The following CDH11 variants were observed in gnomAD, a reference collection of about 807,000 sequenced individuals.
The protein encoded by CDH11 is cadherin-11.
CDH11 carries 11 observed loss-of-function variants against 67.8 expected under a neutral mutation model. That is an observed-to-expected ratio of 0.16 (90% confidence interval 0.10 to 0.27). The LOEUF is 0.27. Among genes scored for constraint, CDH11 ranks in the 10% least tolerant of loss-of-function variants. The probability of loss-of-function intolerance (pLI) is 1.00; values close to 1 mark genes in which losing one functional copy is unlikely to be tolerated. For synonymous variants in CDH11, 419 were observed against 400.0 expected (o/e 1.05, Z -0.57); for missense variants, 847 against 1,031.2 (o/e 0.82, Z 2.45).
chr16:65,004,239 G>A (rs184774785), intron 3 of CDH11, among the ~76,000 whole-genome samples: 1 of 152,212 alleles, frequency 6.6e-6, no homozygotes, highest in Non-Finnish European at 1.5e-5. Context: ...CAGGCATGGT[G>A]GCATGAACCT....
intron 1 of CDH11, among the ~76,000 whole-genome samples, chr16:65,066,220 T>G (rs1202232417): frequency 6.6e-6 from 1 of 152,208 alleles, no homozygotes; most frequent in Non-Finnish European, 1.5e-5. Context: ...TCTTCCTTTT[T>G]CACAAACTTA....
At chr16:65,026,239 C>G (rs182919476) in intron 2 of CDH11, among the ~76,000 whole-genome samples, 1 of 152,146 alleles carries the variant, frequency 6.6e-6, no homozygotes, top group African/African-American at 2.4e-5. Flanking sequence ...ACATGCTTTG[C>G]ATACATTTTC....
chr16:65,108,751 T>A (rs921162162), intron 1 of CDH11, among the ~76,000 whole-genome samples: 1 of 152,172 alleles, frequency 6.6e-6, no homozygotes, highest in East Asian at 1.9e-4. Flanking sequence ...ACTAGTGATA[T>A]TTTACTAAGC....
intron 1 of CDH11, among the ~76,000 whole-genome samples, chr16:65,102,499 C>T (rs1324452313): frequency 1.3e-5 from 2 of 152,216 alleles, no homozygotes; most frequent in Non-Finnish European, 2.9e-5. Flanking sequence ...GACTGTAATA[C>T]ATTAACTCTG....
intron 2 of CDH11, among the ~76,000 whole-genome samples, chr16:65,042,121 G>C (rs1404207377): frequency 1.3e-5 from 2 of 152,314 alleles, no homozygotes; most frequent in South Asian, 2.1e-4. Flanking sequence ...ATTAATTCAA[G>C]AAATATTTAG....
At chr16:64,971,892 T>C (rs371928240) in intron 10 of CDH11, 39 bp downstream of exon 10, 2 of 1,608,950 alleles carry the variant, frequency 1.2e-6, no homozygotes, top group African/African-American at 1.3e-5. Flanking sequence ...TATTTCCAAG[T>C]GCATTGTTCC....
chr16:64,993,858 T>C (rs895592042), intron 4 of CDH11, among the ~76,000 whole-genome samples: 1 of 152,200 alleles, frequency 6.6e-6, no homozygotes, highest in African/African-American at 2.4e-5. Context: ...CGAATTTCTC[T>C]GTGCCAGCAT....
chr16:64,990,896 T>G (rs965883759), intron 6 of CDH11, among the ~76,000 whole-genome samples: 1 of 152,182 alleles, frequency 6.6e-6, no homozygotes, highest in Non-Finnish European at 1.5e-5. Context: ...GTAATCCTAT[T>G]AATTAGGTAC....
intron 11 of CDH11, 96 bp from the exon 12 acceptor site, chr16:64,951,114 T>G (rs962120562): frequency 1.3e-5 from 16 of 1,252,354 alleles, no homozygotes; most frequent in Non-Finnish European, 8.9e-6. Flanking sequence ...TCTCTTATCA[T>G]AAAGGTTAAC....
At chr16:65,045,107 T>C (rs1277310548) in intron 2 of CDH11, among the ~76,000 whole-genome samples, 1 of 151,608 alleles carries the variant, frequency 6.6e-6, no homozygotes, top group Non-Finnish European at 1.5e-5. Context: ...TCCCAAAGAA[T>C]GATGTAAATG....
chr16:65,088,747 G>A (rs534666330), intron 1 of CDH11, among the ~76,000 whole-genome samples: 8 of 152,082 alleles, frequency 5.3e-5, no homozygotes, highest in Non-Finnish European at 1.2e-4. Context: ...TCTATCTTGC[G>A]TGTTTCAGTG....
At chr16:65,042,514 A>G (rs1012637867) in intron 2 of CDH11, among the ~76,000 whole-genome samples, 1 of 152,140 alleles carries the variant, frequency 6.6e-6, no homozygotes, top group Admixed American at 6.6e-5. Context: ...AGGGGCAGCA[A>G]TTGTCAAATG....
chr16:64,995,983 T>TA (rs548592839), intron 4 of CDH11, among the ~76,000 whole-genome samples: 79 of 152,008 alleles, frequency 5.2e-4, no homozygotes, highest in Non-Finnish European at 9.1e-4. Context: ...CTTACAAATA[T>TA]AAAAAAATTG....
At position 64,991,524 on chromosome 16, in the gene CDH11, A is replaced by G. The variant is rs569652105; in HGVS notation, c.811+244T>C. On this transcript the variant is annotated intron_variant, in intron 6 of 12. Transcript: ENST00000268603. ...CCAAGCAAAATACTTAGCAAAAACG[A>G]TATTTTGTTTCCAGGGTTGTAGAAC... 113 of 451,258 alleles carry G rather than the reference A, an allele frequency of 2.5e-4. No individual in the cohort carries two copies. The South Asian group carries it at 4.0e-3, about 16-fold the overall frequency. 28.0% of individuals were successfully genotyped at this position (451,258 alleles called of 1,614,324 possible).
At chr16:65,017,441 G>A (rs986786874) in intron 2 of CDH11, among the ~76,000 whole-genome samples, 5 of 152,110 alleles carry the variant, frequency 3.3e-5, no homozygotes, top group African/African-American at 1.2e-4. Context: ...GTAGAGAGTA[G>A]CTCAGTCAGT....
intron 7 of CDH11, chr16:64,986,332 C>T (rs935674899): frequency 1.3e-4 from 20 of 152,028 alleles, no homozygotes; most frequent in African/African-American, 4.6e-4. Context: ...AGAATAAACA[C>T]ACTGAATTGG....
chr16:65,087,656 C>A (rs1216620780), intron 1 of CDH11, among the ~76,000 whole-genome samples: 1 of 152,134 alleles, frequency 6.6e-6, no homozygotes, highest in African/African-American at 2.4e-5. Flanking sequence ...ATTCTCGGGG[C>A]TGATCGAGAA....
chr16:64,981,122 T>TCC (rs753246536), intron 8 of CDH11: 62,860 of 127,456 alleles, frequency 0.49, 15,566 homozygotes, highest in East Asian at 0.8. Flanking sequence ...TTTTTTTTTT[T>TCC]TGAGACAGGG....
intron 3 of CDH11, among the ~76,000 whole-genome samples, chr16:65,001,871 C>T (rs377408251): frequency 7.9e-5 from 12 of 151,476 alleles, no homozygotes; most frequent in African/African-American, 2.4e-4. Context: ...CTGAGGCATA[C>T]GCAGCCAATT....
Sources: allele counts gnomAD v4.1 joint callset (sites outside exome capture counted in the v4.1 genomes callset), GRCh38; gene constraint gnomAD v4.1.1; transcripts MANE v1.5; gene names NCBI Gene and HGNC (gene_info 2026-07-23, HGNC 2026-07-21).